Variants in CCDC175 observed in about 807,000 individuals in gnomAD.
The protein encoded by CCDC175 is coiled-coil domain containing 175, also known as coiled-coil domain-containing protein 175.
Under a neutral mutation model 114.6 loss-of-function variants are expected in CCDC175, and 100 were observed. The observed-to-expected ratio is 0.87, with a 90% confidence interval of 0.74 to 1.03. The LOEUF is 1.03. Among genes scored for constraint, CCDC175 ranks in the 50% least tolerant of loss-of-function variants. The probability of loss-of-function intolerance (pLI) is 0.00; values close to 1 mark genes in which losing one functional copy is unlikely to be tolerated. For synonymous variants in CCDC175, 306 were observed against 308.7 expected (o/e 0.99, Z 0.09); for missense variants, 880 against 917.8 (o/e 0.96, Z 0.53).
chr14:59,568,691 T>A (rs768660746), intron 3 of CCDC175, among the ~76,000 whole-genome samples: 9 of 152,174 alleles, frequency 5.9e-5, no homozygotes, highest in Non-Finnish European at 8.8e-5. Context: ...TACATGGGGC[T>A]TCTTTATGCA....
At chr14:59,544,044 C>T (rs1224596367) in intron 9 of CCDC175, among the ~76,000 whole-genome samples, 1 of 152,186 alleles carries the variant, frequency 6.6e-6, no homozygotes, top group African/African-American at 2.4e-5. Context: ...ATTAGCTTCA[C>T]CTGTGAATAA....
chr14:59,551,651 G>C (rs1237826425), intron 7 of CCDC175, among the ~76,000 whole-genome samples: 1 of 152,208 alleles, frequency 6.6e-6, no homozygotes, highest in Non-Finnish European at 1.5e-5. Flanking sequence ...CACTGAGCGA[G>C]AGCTGAAGCA....
chr14:59,534,963 A>G (rs112879614), intron 13 of CCDC175, among the ~76,000 whole-genome samples: 6,587 of 152,232 alleles, frequency 0.043, 174 homozygotes, highest in Non-Finnish European at 0.061. Flanking sequence ...CCTCCGTGTG[A>G]CTTTGGGTTC....
At chr14:59,522,811 G>C (rs1893497208) in intron 16 of CCDC175, among the ~76,000 whole-genome samples, 1 of 152,210 alleles carries the variant, frequency 6.6e-6, no homozygotes, top group Non-Finnish European at 1.5e-5. Context: ...TATGTGTCTT[G>C]TTCAGATTGT....
intron 13 of CCDC175, among the ~76,000 whole-genome samples, chr14:59,537,320 A>G (rs1894461654): frequency 6.6e-6 from 1 of 152,096 alleles, no homozygotes; most frequent in South Asian, 2.1e-4. Context: ...GACAACTTGG[A>G]TCAGGTAAAG....
intron 17 of CCDC175, among the ~76,000 whole-genome samples, chr14:59,518,703 C>A (rs1310342400): frequency 6.6e-6 from 1 of 152,140 alleles, no homozygotes; most frequent in African/African-American, 2.4e-5. Context: ...AACAGGAACA[C>A]TTTTACACTG....
rs2139995638 is a variant in CCDC175 at position 59,527,075 on chromosome 14, T to C, written c.1842+20A>G. 1 of 1,253,666 alleles carries C rather than the reference T, an allele frequency of 8.0e-7. No homozygotes were observed. The highest frequency in any genetic ancestry group is 1.1e-6 in the Non-Finnish European group (1 of 930,162). The allele number at this position is 1,253,666 out of a possible 1,614,324, so 77.7% of individuals were successfully genotyped here. On this transcript the variant is annotated intron_variant, in intron 15 of 19. Transcript: ENST00000537690. ...ATTCTAATAATAATAAAAAAAAGAATTAATGCATTGATCTTTTACCATGTT... is the reference window on the plus strand; with the variant it reads ...ATTCTAATAATAATAAAAAAAAGAACTAATGCATTGATCTTTTACCATGTT...
At chr14:59,524,387 T>C (rs1194019414) in intron 16 of CCDC175, among the ~76,000 whole-genome samples, 2 of 152,176 alleles carry the variant, frequency 1.3e-5, no homozygotes, top group African/African-American at 4.8e-5. Flanking sequence ...AAAAGAGCTA[T>C]AATCAGTATG....
At chr14:59,576,455 G>C (rs919608232) in intron 1 of CCDC175, among the ~76,000 whole-genome samples, 164 bp downstream of exon 1, 2 of 152,120 alleles carry the variant, frequency 1.3e-5, no homozygotes, top group South Asian at 4.1e-4. Flanking sequence ...GGTCCCACCC[G>C]CCACCTCTCT....
chr14:59,552,787 GAAA>G (rs1270089596), intron 7 of CCDC175, among the ~76,000 whole-genome samples: 2 of 152,188 alleles, frequency 1.3e-5, no homozygotes, highest in Non-Finnish European at 2.9e-5. Context: ...TCATGGAGCT[GAAA>G]ACCATGGTAC....
chr14:59,564,072 A>T (rs1353528905), intron 5 of CCDC175, among the ~76,000 whole-genome samples: 1 of 152,194 alleles, frequency 6.6e-6, no homozygotes, highest in Non-Finnish European at 1.5e-5. Context: ...CCAAACTGTA[A>T]TTATTGAATA....
At chr14:59,558,682 G>T (rs538988010) in intron 7 of CCDC175, among the ~76,000 whole-genome samples, 1 of 152,222 alleles carries the variant, frequency 6.6e-6, no homozygotes, top group African/African-American at 2.4e-5. Flanking sequence ...GTCTGTTCAG[G>T]ACATGTTATA....
At chr14:59,540,254 AAG>A (rs1329659450) in intron 11 of CCDC175, among the ~76,000 whole-genome samples, 1 of 152,114 alleles carries the variant, frequency 6.6e-6, no homozygotes, top group Non-Finnish European at 1.5e-5. Flanking sequence ...GATGGGAGCA[AAG>A]AGAAGTGATT....
Position 59,540,760 on chromosome 14 carries a change from CAT to C in CCDC175, c.1284-16_1284-15del, listed in dbSNP as rs1461213347. 2.2e-6 allele frequency: 3 copies of C among 1,371,582 alleles called. No individual in the cohort carries two copies. The highest frequency in any genetic ancestry group is 2.9e-6 in the Non-Finnish European group (3 of 1,048,586). 85.0% of individuals were successfully genotyped at this position (1,371,582 alleles called of 1,614,324 possible). The stretch of plus-strand genomic sequence containing the variant: ...GTTTTTGTTGCTCTAAAAAGAAAAA[CAT>C]ATTGGATTTTGCATTTATGGGAGCT... On this transcript the variant is annotated splice_polypyrimidine_tract_variant and intron_variant, in intron 10 of 19. Transcript: ENST00000537690.
chr14:59,539,993 C>A (rs1894670871), intron 11 of CCDC175, among the ~76,000 whole-genome samples: 1 of 152,024 alleles, frequency 6.6e-6, no homozygotes, highest in East Asian at 1.9e-4. Context: ...ATCGCTTGAA[C>A]CTGGGAGGCA....
At chr14:59,520,047 T>A (rs1244850937) in intron 17 of CCDC175, among the ~76,000 whole-genome samples, 1 of 152,244 alleles carries the variant, frequency 6.6e-6, no homozygotes, top group Non-Finnish European at 1.5e-5. Flanking sequence ...CCCTGGCTGA[T>A]GCCATGCAGA....
intron 19 of CCDC175, among the ~76,000 whole-genome samples, chr14:59,506,949 A>G (rs1892451418): frequency 6.7e-6 from 1 of 149,718 alleles, no homozygotes; most frequent in African/African-American, 2.5e-5. Flanking sequence ...AACATAATAT[A>G]TGATGTAATA....
In CCDC175 at chr14:59,575,005, AAT is replaced by A; in HGVS notation, c.179_180del (p.Tyr60PhefsTer2). ...FVVEQSLQSD[Y>X]FKCNEEAKIF... Reference sequence around the variant, plus strand: ...ATCTTAGCTTCTTCATTACATTTAAAATAGTCACTTTGCAGTGATTGTTCTGA... The same window carrying A: ...ATCTTAGCTTCTTCATTACATTTAAAAGTCACTTTGCAGTGATTGTTCTGA... On this transcript the variant is annotated frameshift_variant, in exon 2 of 20. Coordinates refer to ENST00000537690, the MANE Select transcript of CCDC175 (RefSeq NM_001164399.2). LOFTEE classifies it high-confidence loss of function. 1 of 1,515,522 alleles carries A rather than the reference AAT, an allele frequency of 6.6e-7. No individual in the cohort carries two copies. The highest frequency in any genetic ancestry group is 8.8e-7 in the Non-Finnish European group (1 of 1,132,994). The allele number at this position is 1,515,522 out of a possible 1,614,324, so 93.9% of individuals were successfully genotyped here. A position where few individuals can be genotyped will look rare whatever the true frequency, so the allele number is the denominator to read the frequency against.
At position 59,563,743 on chromosome 14, in the gene CCDC175, G is replaced by A. The variant is rs774267484; in HGVS notation, c.837C>T (p.Ser279=). ...ATAGTTTATTCTTTCTTACCGCTGC[G>A]GAAACAGTAACTGTTTCTTTTATTT... ...MSKIKETVTV[S]AAVLSDHNLE... The change falls in exon 6 of 20, where the codon TCC becomes TCT. Residue 279 remains serine, a synonymous_variant. Transcript: ENST00000537690. The A allele has an allele frequency of 1.1e-5, 15 of 1,400,144 alleles. No individual in the cohort carries two copies. The East Asian group carries it at 2.6e-4, about 24-fold the overall frequency. The allele number at this position is 1,400,144 out of a possible 1,614,324, so 86.7% of individuals were successfully genotyped here.
Sources: allele counts gnomAD v4.1 joint callset (sites outside exome capture counted in the v4.1 genomes callset), GRCh38; gene constraint gnomAD v4.1.1; transcripts MANE v1.5; gene names NCBI Gene and HGNC (gene_info 2026-07-23, HGNC 2026-07-21).